Variants in ELOVL6 observed in about 807,000 individuals in gnomAD.
ELOVL6 encodes ELOVL fatty acid elongase 6.
In ELOVL6, 8 loss-of-function variants were observed where a neutral mutation model predicts 31.7. The observed-to-expected ratio is 0.25, with a 90% CI of 0.15 to 0.45. The LOEUF (loss-of-function observed/expected upper bound fraction) is 0.45, where lower values mean the gene tolerates loss of function less well. ELOVL6 is among the 20% of genes least tolerant of loss of function. The pLI, the probability that ELOVL6 is intolerant of heterozygous loss-of-function variation, is 1.00. For missense variants in ELOVL6, 126 were observed against 326.4 expected, an observed-to-expected ratio of 0.39 and a Z score of 4.73; for synonymous variants, 101 against 117.7, an observed-to-expected ratio of 0.86 and a Z score of 0.92.
chr4:110,090,603 T>TTTTG (rs1420525402), intron 2 of ELOVL6, among the ~76,000 whole-genome samples: 1 of 139,028 alleles, frequency 7.2e-6, no homozygotes, highest in African/African-American at 2.8e-5. Flanking sequence ...TGACTTTCTT[T>TTTTG]TTTTTTTTTT....
At chr4:110,054,290 C>T (rs1407641828) in intron 3 of ELOVL6, among the ~76,000 whole-genome samples, 1 of 152,050 alleles carries the variant, frequency 6.6e-6, no homozygotes, top group Non-Finnish European at 1.5e-5. Flanking sequence ...ACTTAAGGGA[C>T]AAAACTGGTG....
intron 2 of ELOVL6, among the ~76,000 whole-genome samples, chr4:110,087,866 G>A (rs1246494863): frequency 6.6e-6 from 1 of 150,460 alleles, no homozygotes; most frequent in African/African-American, 2.4e-5. Context: ...TCCAATCAAA[G>A]AGATTTCTGG....
At chr4:110,141,758 G>A (rs1055783474) in intron 1 of ELOVL6, among the ~76,000 whole-genome samples, 2 of 140,856 alleles carry the variant, frequency 1.4e-5, no homozygotes, top group South Asian at 4.4e-4. Context: ...ATATAGTATT[G>A]TATTAGTATA....
chr4:110,064,091 A>AAAAG (rs1227406610), intron 2 of ELOVL6, among the ~76,000 whole-genome samples: 1 of 150,072 alleles, frequency 6.7e-6, no homozygotes, highest in Non-Finnish European at 1.5e-5. Flanking sequence ...AAAAAAAAAA[A>AAAAG]AAAGAAAGAA....
intron 1 of ELOVL6, among the ~76,000 whole-genome samples, chr4:110,152,581 A>T (rs1758306562): frequency 6.6e-6 from 1 of 152,188 alleles, no homozygotes; most frequent in African/African-American, 2.4e-5. Context: ...CTGTGGATAT[A>T]TTTGAACATA....
chr4:110,198,472 C>A lies in ELOVL6; in HGVS notation c.-137G>T, dbSNP rs1759887240. 5 of 608,188 alleles carry A rather than the reference C, an allele frequency of 8.2e-6. No homozygotes were observed. The highest frequency in any genetic ancestry group is 1.5e-5 in the Non-Finnish European group (5 of 341,876). The allele number at this position is 608,188 out of a possible 1,614,324, so 37.7% of individuals were successfully genotyped here. A position where few individuals can be genotyped will look rare whatever the true frequency, so the allele number is the denominator to read the frequency against. Reference sequence around the variant, plus strand: ...CTTCCCCACGCCGCTCGGTCTCCAGCGGTCGTCTCTTCTCCCAGCCTCTCA... The same window carrying A: ...CTTCCCCACGCCGCTCGGTCTCCAGAGGTCGTCTCTTCTCCCAGCCTCTCA... On this transcript the variant is annotated 5_prime_UTR_variant, in exon 1 of 4. Transcript: ENST00000302274.
intron 3 of ELOVL6, among the ~76,000 whole-genome samples, chr4:110,056,395 C>A (rs1470671363): frequency 6.6e-6 from 1 of 152,090 alleles, no homozygotes; most frequent in Non-Finnish European, 1.5e-5. Flanking sequence ...AACATGTTGA[C>A]TACATAAAGA....
intron 2 of ELOVL6, among the ~76,000 whole-genome samples, chr4:110,096,310 T>C (rs1245763002): frequency 6.6e-6 from 1 of 152,208 alleles, no homozygotes; most frequent in Non-Finnish European, 1.5e-5. Context: ...CATCTTACTT[T>C]TAAAAGATAG....
chr4:110,056,129 G>GGGA (rs1553953532), intron 3 of ELOVL6, among the ~76,000 whole-genome samples: 2 of 143,138 alleles, frequency 1.4e-5, no homozygotes, highest in Non-Finnish European at 3.0e-5. Flanking sequence ...AGCTGGGGGG[G>GGGA]GGGATACAGT....
At position 110,083,959 on chromosome 4, in the gene ELOVL6, A is replaced by T. The variant is rs372719759; in HGVS notation, c.221+21538T>A. Among the ~76,000 whole-genome samples, 32 of 109,960 alleles carry T rather than the reference A, an allele frequency of 2.9e-4. 1 individual carries two copies. The highest frequency in any genetic ancestry group is 1.3e-3 in the South Asian group (5 of 3,712). 72.1% of individuals were successfully genotyped at this position (109,960 alleles called of 152,430 possible). On this transcript the variant is annotated intron_variant, in intron 2 of 3. Transcript: ENST00000302274. ...AGATATATATAACATGTTATATATG[A>T]TATATATGATATAACATATGCCATA...
intron 2 of ELOVL6, among the ~76,000 whole-genome samples, chr4:110,090,575 G>A (rs1468670684): frequency 3.5e-5 from 5 of 144,300 alleles, no homozygotes; most frequent in African/African-American, 7.9e-5. Context: ...AGGCCTTCCA[G>A]GAACTTACAG....
At chr4:110,176,775 T>C (rs1469582740) in intron 1 of ELOVL6, among the ~76,000 whole-genome samples, 1 of 152,230 alleles carries the variant, frequency 6.6e-6, no homozygotes, top group East Asian at 1.9e-4. Context: ...TTCATTCTTG[T>C]TGCCCAGGCT....
rs377581860 is a variant in ELOVL6, at chr4:110,183,714, G to A, written c.89+14533C>T. ...ACTTTAGAGAAGTCTTTTTTTAAAA[G>A]TCATCTCAGCCAGGCACGGTGGCTC... is the stretch of plus-strand genomic sequence containing the variant. On this transcript the variant is annotated intron_variant, in intron 1 of 3. Transcript: ENST00000302274. Among the ~76,000 whole-genome samples, 6 of 151,446 alleles carry A rather than the reference G, an allele frequency of 4.0e-5. No individual in the cohort carries two copies. In the East Asian group the frequency reaches 7.8e-4, roughly 20 times the overall value.
At chr4:110,189,680 AT>A in intron 1 of ELOVL6, among the ~76,000 whole-genome samples, 1 of 149,544 alleles carries the variant, frequency 6.7e-6, no homozygotes, top group Admixed American at 6.7e-5. Context: ...TTTAAATAGG[AT>A]TATAGGGCTT....
intron 2 of ELOVL6, among the ~76,000 whole-genome samples, chr4:110,061,792 G>A (rs533439478): frequency 1.2e-4 from 18 of 151,872 alleles, no homozygotes; most frequent in Admixed American, 7.2e-4. Context: ...TCCTGACCTC[G>A]TGATCCACCT....
chr4:110,097,827 A>T (rs559484077), intron 2 of ELOVL6, among the ~76,000 whole-genome samples: 1 of 151,998 alleles, frequency 6.6e-6, no homozygotes, highest in East Asian at 1.9e-4. Context: ...CTATATATCC[A>T]TTAATTTTAC....
In ELOVL6 at chr4:110,047,679, C is replaced by G. The variant is rs1363814412; in HGVS notation, c.*3659G>C. 6.6e-6 allele frequency: 1 copy of G among 152,222 alleles called. No homozygotes were observed. Among genetic ancestry groups the G allele is most frequent in the Non-Finnish European group, 1.5e-5 (1 of 68,098 alleles). The allele number at this position is 152,222 out of a possible 1,614,324, so 9.4% of individuals were successfully genotyped here. A position where few individuals can be genotyped will look rare whatever the true frequency, so the allele number is the denominator to read the frequency against. ...CCAAGGCGGGTGGATCCCCTGAGGTCAGGAGCTCGAGACCAGCCTGGCCAA... is the reference window on the plus strand; with the variant it reads ...CCAAGGCGGGTGGATCCCCTGAGGTGAGGAGCTCGAGACCAGCCTGGCCAA... On this transcript the variant is annotated 3_prime_UTR_variant, in exon 4 of 4. Transcript: ENST00000302274.
At chr4:110,110,986 A>AT (rs892407437) in intron 1 of ELOVL6, among the ~76,000 whole-genome samples, 1 of 152,088 alleles carries the variant, frequency 6.6e-6, no homozygotes, top group Non-Finnish European at 1.5e-5. Context: ...CTCCTCATCT[A>AT]TTTTTTTAAA....
At chr4:110,161,728 G>A (rs751698920) in intron 1 of ELOVL6, among the ~76,000 whole-genome samples, 4 of 152,312 alleles carry the variant, frequency 2.6e-5, no homozygotes, top group Non-Finnish European at 5.9e-5. Context: ...GCATGAGTTA[G>A]TGCTGTTGGC....
Sources: allele counts gnomAD v4.1 joint callset (sites outside exome capture counted in the v4.1 genomes callset), GRCh38; gene constraint gnomAD v4.1.1; transcripts MANE v1.5; gene names NCBI Gene and HGNC (gene_info 2026-07-23, HGNC 2026-07-21).